The following TDRD10 variants were observed in gnomAD, a reference collection of about 807,000 sequenced individuals.
TDRD10 encodes tudor domain-containing protein 10.
In TDRD10, 40 loss-of-function variants were observed where a neutral mutation model predicts 48.0. That is an observed-to-expected ratio of 0.83 (90% CI 0.65 to 1.09). TDRD10 has a LOEUF of 1.09. Ranked by LOEUF, TDRD10 falls within the 50% of genes least tolerant of loss-of-function variation. The probability of loss-of-function intolerance (pLI) is 0.00; values close to 1 mark genes in which losing one functional copy is unlikely to be tolerated. For missense variants in TDRD10, 378 were observed against 434.7 expected (o/e 0.87, Z 1.16); for synonymous variants, 162 against 170.4 (o/e 0.95, Z 0.38).
rs1695308147 is a variant in TDRD10, at chr1:154,542,666, G to A, written c.413-65G>A. 2.2e-6 allele frequency: 3 copies of A among 1,378,492 alleles called. No homozygotes were observed. The Admixed American group carries it at 5.4e-5, about 25-fold the overall frequency. The allele number at this position is 1,378,492 out of a possible 1,614,324, so 85.4% of individuals were successfully genotyped here. ...AGGGCAGGGCCAAGGCCTCTTGTGG[G>A]TTAGGGGAGCAATTCCTCTCTGGGT... On this transcript the variant is annotated intron_variant, in intron 7 of 12. Coordinates refer to ENST00000368482, the MANE Select transcript of TDRD10 (RefSeq NM_182499.4).
chr1:154,547,807 A>G lies in TDRD10; in HGVS notation c.*97A>G. The G allele has an allele frequency of 6.8e-7, 1 of 1,465,816 alleles. No homozygotes were observed. Among genetic ancestry groups the G allele is most frequent in the Non-Finnish European group, 9.5e-7 (1 of 1,051,160 alleles). The allele number at this position is 1,465,816 out of a possible 1,614,324, so 90.8% of individuals were successfully genotyped here. ...ACCCCTTTCACTCTTGAGGCCTGGGAGGTGAAAAAGGCCAGACTGTGCCCA... is the reference window on the plus strand; with the variant it reads ...ACCCCTTTCACTCTTGAGGCCTGGGGGGTGAAAAAGGCCAGACTGTGCCCA... On this transcript the variant is annotated 3_prime_UTR_variant, in exon 13 of 13. Transcript: ENST00000368482.
At chr1:154,506,850 T>C (rs1180486900) in intron 1 of TDRD10, 27 bp from the exon 2 acceptor site, 3 of 1,600,434 alleles carry the variant, frequency 1.9e-6, no homozygotes, top group African/African-American at 2.7e-5. Context: ...CTGGCATTCC[T>C]CTAACTGTGG....
rs751470799 is a variant in TDRD10, at chr1:154,506,936, C to A, written c.2+31C>A. The stretch of plus-strand genomic sequence containing the variant: ...TCCCTTCCTTTTGCTGATGAGCAAG[C>A]CTCGCTCCATCCCCCAGCCTTCTCT... On this transcript the variant is annotated intron_variant, in intron 2 of 12. Transcript: ENST00000368482. The A allele has an allele frequency of 3.1e-5, 50 of 1,614,078 alleles. No individual in the cohort carries two copies. In the Admixed American group the frequency reaches 5.3e-4, roughly 17 times the overall value.
chr1:154,545,651 A>G (rs1695507283), intron 11 of TDRD10, among the ~76,000 whole-genome samples: 1 of 151,480 alleles, frequency 6.6e-6, no homozygotes, highest in Non-Finnish European at 1.5e-5. Flanking sequence ...CATAACTCAT[A>G]GCAGCCTCAA....
At chr1:154,523,647 C>T (rs985582952) in intron 6 of TDRD10, among the ~76,000 whole-genome samples, 1 of 152,234 alleles carries the variant, frequency 6.6e-6, no homozygotes, top group African/African-American at 2.4e-5. Flanking sequence ...TCATTTCCCT[C>T]TTAGCCTAGA....
rs1695434189 is a variant in TDRD10 at position 154,544,417 on chromosome 1, G to A, written c.697G>A (p.Ala233Thr). 1 of 1,604,112 alleles carries A rather than the reference G, an allele frequency of 6.2e-7. No individual in the cohort carries two copies. The highest frequency in any genetic ancestry group is 2.2e-5 in the East Asian group (1 of 44,634). Residue 233 changes from alanine to threonine, a missense_variant, in exon 10 of 13, where the codon GCG (alanine) becomes ACG (threonine). By Grantham distance (58) the Ala-to-Thr change is moderately conservative. This residue lies in a region of TDRD10 where 310 missense variants were observed against 323.6 expected (regional missense o/e 0.96). Coordinates refer to ENST00000368482, the MANE Select transcript of TDRD10 (RefSeq NM_182499.4). The part of the protein sequence containing the change: ...MQALFSTLAQ[A>T]EEQQPYLEGS... ...GGCTCTGTTTAGCACCCTGGCTCAG[G>A]CGGAGGAGCAGCAGCCCTACCTGGA...
intron 4 of TDRD10, among the ~76,000 whole-genome samples, chr1:154,519,747 G>A (rs541569536): frequency 4.1e-4 from 29 of 70,102 alleles, no homozygotes; most frequent in Non-Finnish European, 8.5e-4. Flanking sequence ...ATCATAAAGC[G>A]GGGGAGGTTG....
intron 4 of TDRD10, among the ~76,000 whole-genome samples, chr1:154,513,138 G>A (rs569623969): frequency 4.1e-4 from 62 of 152,244 alleles, no homozygotes; most frequent in African/African-American, 1.4e-3. Context: ...AGCAAAGAGG[G>A]TGTCCCATGC....
chr1:154,544,452 C>T lies in TDRD10; in HGVS notation c.732C>T (p.Thr244=), dbSNP rs1370461687. 10 of 1,612,476 alleles carry T rather than the reference C, an allele frequency of 6.2e-6. No homozygotes were observed. Among genetic ancestry groups the T allele is most frequent in the Admixed American group, 5.0e-5 (3 of 59,802 alleles). The change falls in exon 10 of 13, where the codon ACC becomes ACT. Residue 244 remains threonine, a synonymous_variant. Coordinates refer to ENST00000368482, the MANE Select transcript of TDRD10 (RefSeq NM_182499.4). The part of the protein sequence containing the change: ...EEQQPYLEGS[T]VMRGTRCLAE... The stretch of plus-strand genomic sequence containing the variant: ...AGCAGCCCTACCTGGAGGGCTCCAC[C>T]GTTATGCGCGGGACTCGCTGTCTGG...
chr1:154,544,059 G>A lies in TDRD10; in HGVS notation c.600G>A (p.Val200=), dbSNP rs2149354534. The A allele has an allele frequency of 6.2e-7, 1 of 1,614,208 alleles. No homozygotes were observed. Among genetic ancestry groups the A allele is most frequent in the Non-Finnish European group, 8.5e-7 (1 of 1,180,022 alleles). The stretch of plus-strand genomic sequence containing the variant: ...TCCGTGGGGAGGCGGGGCTGCTGGT[G>A]ACGAGTATCGTCCCGAAGACCCCGT... ...HSVRGEAGLL[V]TSIVPKTPFF... The change falls in exon 9 of 13, where the codon GTG becomes GTA. Residue 200 remains valine (V), a synonymous_variant. Transcript: ENST00000368482.
intron 4 of TDRD10, among the ~76,000 whole-genome samples, chr1:154,516,057 A>G (rs12128408): frequency 0.51 from 76,943 of 152,036 alleles, 22,614 homozygotes; most frequent in East Asian, 0.76. Context: ...TCTTCCCCAT[A>G]AAAGATGAGC....
chr1:154,540,550 G>A (rs1457520900), intron 6 of TDRD10, among the ~76,000 whole-genome samples: 1 of 147,630 alleles, frequency 6.8e-6, no homozygotes, highest in Non-Finnish European at 1.5e-5. Context: ...CTCAAATGGA[G>A]AAAGCTAGGC....
intron 6 of TDRD10, among the ~76,000 whole-genome samples, chr1:154,538,078 G>T (rs1695018548): frequency 6.6e-6 from 1 of 152,148 alleles, no homozygotes; most frequent in Admixed American, 6.5e-5. Flanking sequence ...TAATTATGTA[G>T]ATTTTCCTCT....
chr1:154,518,631 G>T (rs993661627), intron 4 of TDRD10, among the ~76,000 whole-genome samples: 4 of 152,070 alleles, frequency 2.6e-5, no homozygotes, highest in African/African-American at 9.7e-5. Flanking sequence ...GGGTTTCACC[G>T]TGTTAGCCAG....
chr1:154,544,464 G>T lies in TDRD10; in HGVS notation c.744G>T (p.Gly248=). The T allele has an allele frequency of 1.2e-6, 2 of 1,613,364 alleles. No individual in the cohort carries two copies. Among genetic ancestry groups the T allele is most frequent in the Non-Finnish European group, 1.7e-6 (2 of 1,179,872 alleles). The stretch of plus-strand genomic sequence containing the variant: ...TGGAGGGCTCCACCGTTATGCGCGG[G>T]ACTCGCTGTCTGGCAGAGTACCACC... ...PYLEGSTVMR[G]TRCLAEYHLG... Residue 248 remains glycine, a synonymous_variant, in exon 10 of 13, where the codon GGG becomes GGT. Transcript: ENST00000368482.
At chr1:154,511,359 C>A (rs1348767488) in intron 4 of TDRD10, among the ~76,000 whole-genome samples, 1 of 151,804 alleles carries the variant, frequency 6.6e-6, no homozygotes, top group African/African-American at 2.4e-5. Flanking sequence ...TCAGGCCGGG[C>A]GTGGTGGCTC....
rs772071138 is a variant in TDRD10, at chr1:154,547,722, T to C, written c.*12T>C. On this transcript the variant is annotated 3_prime_UTR_variant, in exon 13 of 13. Coordinates refer to ENST00000368482, the MANE Select transcript of TDRD10 (RefSeq NM_182499.4). ...AAGAGTCTAAATAACGGGGCTTCCC[T>C]CAGCATGTTCCCTCTCCTGTTTGCC... The C allele has an allele frequency of 1.2e-5, 19 of 1,612,948 alleles. No individual in the cohort carries two copies. The highest frequency in any genetic ancestry group is 3.3e-5 in the South Asian group (3 of 91,048).
intron 1 of TDRD10, among the ~76,000 whole-genome samples, 180 bp from the exon 2 acceptor site, chr1:154,506,697 A>G (rs1693172609): frequency 6.6e-6 from 1 of 152,252 alleles, no homozygotes; most frequent in Admixed American, 6.5e-5. Flanking sequence ...TTGATGGGCA[A>G]CCTTAACTCC....
chr1:154,514,126 G>T (rs374985921), intron 4 of TDRD10, among the ~76,000 whole-genome samples: 65 of 152,320 alleles, frequency 4.3e-4, no homozygotes, highest in African/African-American at 1.3e-3. Context: ...GGAGGCGGAG[G>T]TTGCAGCGAG....
Sources: gnomAD v4.1 joint callset for allele counts (sites outside exome capture counted in the v4.1 genomes callset) on GRCh38, gnomAD v4.1.1 for gene constraint, gnomAD v4.1.1 regional missense constraint, MANE v1.5 for transcripts, NCBI Gene and HGNC (gene_info 2026-07-23, HGNC 2026-07-21) for gene names.